Variants in CEP162 observed in about 807,000 individuals in gnomAD.
CEP162 encodes the protein centrosomal protein of 162 kDa.
Under a neutral mutation model 169.2 loss-of-function variants are expected in CEP162, and 141 were observed. The observed-to-expected ratio is 0.83, with a 90% confidence interval of 0.73 to 0.96. The LOEUF (loss-of-function observed/expected upper bound fraction) is 0.96, where lower values mean the gene tolerates loss of function less well. Among genes scored for constraint, CEP162 ranks in the 40% least tolerant of loss-of-function variants. The pLI, the probability that CEP162 is intolerant of heterozygous loss-of-function variation, is 0.00. For synonymous variants in CEP162, 540 were observed against 526.4 expected (o/e 1.03, Z -0.35); for missense variants, 1,600 against 1,587.2 (o/e 1.01, Z -0.14).
At chr6:84,224,408 A>G (rs2099554916) in intron 2 of CEP162, among the ~76,000 whole-genome samples, 1 of 152,172 alleles carries the variant, frequency 6.6e-6, no homozygotes, top group Admixed American at 6.6e-5. Context: ...AGATGGAGTA[A>G]CTGCTAACAG....
At chr6:84,133,232 A>G (rs1168922563) in intron 25 of CEP162, among the ~76,000 whole-genome samples, 1 of 152,162 alleles carries the variant, frequency 6.6e-6, no homozygotes, top group East Asian at 1.9e-4. Flanking sequence ...GCTTTGTCTC[A>G]GAGGGGCACC....
intron 9 of CEP162, among the ~76,000 whole-genome samples, chr6:84,199,028 A>T (rs2099543326): frequency 6.6e-6 from 1 of 152,220 alleles, no homozygotes. Context: ...TGCTCATCTC[A>T]GAATAAAGTT....
chr6:84,197,251 G>GA (rs796931000), intron 9 of CEP162, among the ~76,000 whole-genome samples: 5,957 of 141,574 alleles, frequency 0.042, 170 homozygotes, highest in South Asian at 0.073. Flanking sequence ...ATGAGAAATG[G>GA]AAAAAAAAAA....
At chr6:84,190,086 C>T (rs1017155103) in intron 11 of CEP162, among the ~76,000 whole-genome samples, 5 of 149,774 alleles carry the variant, frequency 3.3e-5, no homozygotes, top group South Asian at 2.1e-4. Context: ...CTGGTGAGGA[C>T]GTGGAGAGTC....
chr6:84,212,991 TTCG>T lies in CEP162; in HGVS notation c.534_536del (p.Asp178del), dbSNP rs1333000513. 2 of 1,555,896 alleles carry T rather than the reference TTCG, an allele frequency of 1.3e-6. No individual in the cohort carries two copies. Among genetic ancestry groups the T allele is most frequent in the South Asian group, 1.2e-5 (1 of 83,240 alleles). ...CTTCATGTTTCGATTCATTCTCATG[TTCG>T]TCATCAGTTAGTTCTGCGTTGGCTT... On this transcript the variant is annotated inframe_deletion, in exon 6 of 27. Coordinates refer to ENST00000403245, the MANE Select transcript of CEP162 (RefSeq NM_014895.4).
At position 84,125,288 on chromosome 6, in the gene CEP162, A is replaced by G; in HGVS notation, c.4006-12T>C. ...GTTTGCTGTATTATCTGCAAATACA[A>G]AAATTCCACATTGCTGTTATAGTTC... On this transcript the variant is annotated splice_polypyrimidine_tract_variant and intron_variant, in intron 26 of 26. Transcript: ENST00000403245. The G allele has an allele frequency of 6.2e-7, 1 of 1,608,316 alleles. No individual in the cohort carries two copies. Among genetic ancestry groups the G allele is most frequent in the Non-Finnish European group, 8.5e-7 (1 of 1,175,604 alleles).
At chr6:84,194,832 A>T in intron 10 of CEP162, 52 bp downstream of exon 10, 1 of 1,266,450 alleles carries the variant, frequency 7.9e-7, no homozygotes, top group Non-Finnish European at 1.1e-6. Context: ...TACACTAAAA[A>T]CTCTTTAGAA....
chr6:84,140,504 T>TA (rs1425533158), intron 25 of CEP162, among the ~76,000 whole-genome samples: 2 of 152,000 alleles, frequency 1.3e-5, no homozygotes, highest in Admixed American at 6.5e-5. Flanking sequence ...CAACCATGGT[T>TA]AAGCTACAAA....
intron 23 of CEP162, among the ~76,000 whole-genome samples, 174 bp from the exon 24 acceptor site, chr6:84,149,877 T>G (rs1295140102): frequency 2.0e-5 from 3 of 152,210 alleles, no homozygotes; most frequent in Non-Finnish European, 4.4e-5. Flanking sequence ...TGAGTTCTTA[T>G]GACCAATCCA....
chr6:84,193,562 G>T (rs1171959393), intron 11 of CEP162, 47 bp downstream of exon 11: 4 of 1,133,500 alleles, frequency 3.5e-6, no homozygotes, highest in African/African-American at 3.1e-5. Context: ...TAGAACAAAT[G>T]ACTATAAAAG....
intron 23 of CEP162, among the ~76,000 whole-genome samples, chr6:84,151,949 C>T (rs757026869): frequency 1.4e-4 from 21 of 151,942 alleles, no homozygotes; most frequent in Admixed American, 4.6e-4. Context: ...TTGTGAAAAA[C>T]GGGTGCTAAA....
chr6:84,206,705 C>A (rs1319475569), intron 6 of CEP162, among the ~76,000 whole-genome samples: 3 of 152,046 alleles, frequency 2.0e-5, no homozygotes, highest in African/African-American at 7.2e-5. Context: ...GCAACAAAAG[C>A]CAAAATTGAC....
chr6:84,181,290 G>C (rs1462279931), intron 13 of CEP162, among the ~76,000 whole-genome samples: 2 of 152,132 alleles, frequency 1.3e-5, no homozygotes, highest in African/African-American at 2.4e-5. Context: ...GGGAAAACTG[G>C]CTAGCCATAT....
chr6:84,169,977 A>C (rs991601029), intron 17 of CEP162, among the ~76,000 whole-genome samples: 2 of 152,206 alleles, frequency 1.3e-5, no homozygotes, highest in African/African-American at 4.8e-5. Context: ...CTGAAAGTTA[A>C]TTTACAGCTT....
intron 2 of CEP162, among the ~76,000 whole-genome samples, chr6:84,221,559 T>C (rs756139511): frequency 1.3e-5 from 2 of 152,148 alleles, no homozygotes; most frequent in African/African-American, 4.8e-5. Context: ...AATTTCAATA[T>C]AAGGAAGAAC....
At chr6:84,198,526 C>T (rs931520202) in intron 9 of CEP162, among the ~76,000 whole-genome samples, 7 of 152,092 alleles carry the variant, frequency 4.6e-5, no homozygotes, top group African/African-American at 7.2e-5. Flanking sequence ...GTGATCTGCC[C>T]GCTCCGGCCT....
At chr6:84,221,024 A>C in intron 3 of CEP162, 33 bp downstream of exon 3, 1 of 1,200,494 alleles carries the variant, frequency 8.3e-7, no homozygotes, top group Non-Finnish European at 1.2e-6. Context: ...CTTGTGGTCA[A>C]ATAATTTGAA....
chr6:84,145,294 C>T (rs933940468), intron 25 of CEP162, among the ~76,000 whole-genome samples: 2 of 152,022 alleles, frequency 1.3e-5, no homozygotes, highest in African/African-American at 4.8e-5. Context: ...GCGTTTCTAG[C>T]CTGGAGATGC....
chr6:84,204,425 C>T, intron 6 of CEP162, among the ~76,000 whole-genome samples: 1 of 152,180 alleles, frequency 6.6e-6, no homozygotes, highest in Non-Finnish European at 1.5e-5. Context: ...TTGAGAAACT[C>T]ACTCAAAACC....
Sources: allele counts gnomAD v4.1 joint callset (sites outside exome capture counted in the v4.1 genomes callset), GRCh38; gene constraint gnomAD v4.1.1; transcripts MANE v1.5; gene names NCBI Gene and HGNC (gene_info 2026-07-23, HGNC 2026-07-21).